Variants in FAM184A observed in about 807,000 individuals in gnomAD.
FAM184A encodes the protein family with sequence similarity 184 member A.
A neutral mutation model predicts 143.8 loss-of-function variants in FAM184A; 99 were observed. The observed-to-expected ratio is 0.69, with a 90% CI of 0.58 to 0.81. The LOEUF (loss-of-function observed/expected upper bound fraction) is 0.81. Among genes scored for constraint, FAM184A ranks in the 40% least tolerant of loss-of-function variants. FAM184A has a pLI of 0.00. For synonymous variants in FAM184A, 427 were observed against 446.4 expected, an observed-to-expected ratio of 0.96 and a Z score of 0.55; for missense variants, 1,217 against 1,310.5, an observed-to-expected ratio of 0.93 and a Z score of 1.10.
intron 9 of FAM184A, among the ~76,000 whole-genome samples, chr6:119,001,746 T>C (rs1784762911): frequency 6.6e-6 from 1 of 152,140 alleles, no homozygotes; most frequent in African/African-American, 2.4e-5. Context: ...AAAAAATATA[T>C]CTCTATTAAA....
At chr6:119,121,060 T>C (rs542244350) in intron 1 of FAM184A, among the ~76,000 whole-genome samples, 1 of 151,982 alleles carries the variant, frequency 6.6e-6, no homozygotes, top group South Asian at 2.1e-4. Flanking sequence ...TCCTCCCACA[T>C]TGGCCACTCA....
chr6:119,017,236 C>T (rs569987338), intron 4 of FAM184A, among the ~76,000 whole-genome samples: 6 of 152,322 alleles, frequency 3.9e-5, no homozygotes, highest in South Asian at 2.1e-4. Flanking sequence ...CAGTGGCTCA[C>T]GCCTGTAATC....
chr6:118,974,397 C>T (rs1783784522), intron 14 of FAM184A, 31 bp downstream of exon 14: 2 of 1,575,900 alleles, frequency 1.3e-6, no homozygotes, highest in Non-Finnish European at 1.7e-6. Flanking sequence ...TTATTATCCA[C>T]ATATGAATTT....
At position 119,058,172 on chromosome 6, in the gene FAM184A, TCTC is replaced by T. The variant is rs201233474; in HGVS notation, c.159+19966_159+19968del. On this transcript the variant is annotated intron_variant, in intron 1 of 17. Coordinates refer to ENST00000338891, the MANE Select transcript of FAM184A (RefSeq NM_024581.6). ...AAGAAGTAGAGTCCAATTCTCCTTC[TCTC>T]TTTTTTTTTTTTTTTTTTTTTTTTT... is the stretch of plus-strand genomic sequence containing the variant. Among the ~76,000 whole-genome samples, 256 of 135,604 alleles carry T rather than the reference TCTC, an allele frequency of 1.9e-3. 4 individuals are homozygous for T. Among genetic ancestry groups the T allele is most frequent in the African/African-American group, 7.0e-3 (233 of 33,232 alleles). 89.0% of individuals were successfully genotyped at this position (135,604 alleles called of 152,430 possible). A position where few individuals can be genotyped will look rare whatever the true frequency, so the allele number is the denominator to read the frequency against.
In FAM184A at chr6:119,078,048, T is replaced by A. The variant is rs528006417; in HGVS notation, c.159+93A>T. On this transcript the variant is annotated intron_variant, in intron 1 of 17. Transcript: ENST00000338891. This position sits in a 1 kb window ranked among gnomAD's most constrained non-coding sequence, Gnocchi z 5.5. ...GGCGGAGGAGTAGAGTTCCCCTCGC[T>A]GCGGGCGCAGGGCGCACTGCCTCCC... 1.4e-4 allele frequency: 202 copies of A among 1,419,304 alleles called. No homozygotes were observed. The highest frequency in any genetic ancestry group is 6.7e-4 in the Admixed American group (30 of 44,996). 87.9% of individuals were successfully genotyped at this position (1,419,304 alleles called of 1,614,324 possible). A position where few individuals can be genotyped will look rare whatever the true frequency, so the allele number is the denominator to read the frequency against.
At chr6:118,970,008 ATTT>A (rs11272298) in intron 14 of FAM184A, among the ~76,000 whole-genome samples, 2 of 19,046 alleles carry the variant, frequency 1.1e-4, no homozygotes, top group Non-Finnish European at 1.1e-4. Context: ...ATATATATAT[ATTT>A]TTTTTTTTTT....
chr6:119,013,262 T>C (rs113026378), intron 5 of FAM184A, among the ~76,000 whole-genome samples: 1 of 152,160 alleles, frequency 6.6e-6, no homozygotes, highest in Non-Finnish European at 1.5e-5. Context: ...AAAATTAAAA[T>C]TTAATCAGGT....
intron 1 of FAM184A, among the ~76,000 whole-genome samples, chr6:119,061,206 G>A (rs1787222666): frequency 6.6e-6 from 1 of 152,184 alleles, no homozygotes; most frequent in Admixed American, 6.5e-5. Context: ...AGGAGGAATA[G>A]TTTACAAGTT....
intron 9 of FAM184A, among the ~76,000 whole-genome samples, chr6:118,981,549 G>C (rs1562460050): frequency 6.6e-6 from 1 of 152,130 alleles, no homozygotes; most frequent in Non-Finnish European, 1.5e-5. Flanking sequence ...CACAAAGAAA[G>C]GTACCTGGGA....
At chr6:118,973,592 T>A (rs1272184771) in intron 14 of FAM184A, among the ~76,000 whole-genome samples, 1 of 152,120 alleles carries the variant, frequency 6.6e-6, no homozygotes, top group Non-Finnish European at 1.5e-5. Flanking sequence ...ATATATATAT[T>A]TGATTGGAAG....
chr6:119,141,223 C>T (rs1359137695), intron 1 of FAM184A, among the ~76,000 whole-genome samples: 2 of 152,234 alleles, frequency 1.3e-5, no homozygotes, highest in Non-Finnish European at 2.9e-5. Flanking sequence ...TAGGGTTTAG[C>T]AACCTGCCTA....
chr6:118,975,449 T>A (rs1386238224), intron 12 of FAM184A, among the ~76,000 whole-genome samples: 1 of 152,202 alleles, frequency 6.6e-6, no homozygotes, highest in Non-Finnish European at 1.5e-5. Context: ...TCAAAGGACA[T>A]CTCTCTCATT....
intron 1 of FAM184A, among the ~76,000 whole-genome samples, chr6:119,027,563 CA>C (rs1785681422): frequency 6.6e-6 from 1 of 152,162 alleles, no homozygotes; most frequent in Non-Finnish European, 1.5e-5. Context: ...AGGAAAACCC[CA>C]AAGTTCCTTT....
intron 1 of FAM184A, among the ~76,000 whole-genome samples, chr6:119,148,178 G>GC (rs1217606807): frequency 6.6e-6 from 1 of 152,132 alleles, no homozygotes; most frequent in Admixed American, 6.5e-5. Context: ...GAAGATCGTG[G>GC]CCAGGAGAGT....
intron 9 of FAM184A, among the ~76,000 whole-genome samples, chr6:118,998,658 GAA>G (rs1391302120): frequency 6.6e-6 from 1 of 151,846 alleles, no homozygotes; most frequent in Admixed American, 6.6e-5. Flanking sequence ...CAGATCTCTA[GAA>G]AGTGGGTTCC....
intron 6 of FAM184A, among the ~76,000 whole-genome samples, chr6:119,007,481 T>A (rs1299801362): frequency 3.3e-5 from 5 of 152,082 alleles, no homozygotes; most frequent in Non-Finnish European, 4.4e-5. Flanking sequence ...GCAATACTGG[T>A]GGTGGTAGTA....
At chr6:119,051,125 T>G (rs193203852) in intron 1 of FAM184A, among the ~76,000 whole-genome samples, 54 of 149,680 alleles carry the variant, frequency 3.6e-4, no homozygotes, top group Non-Finnish European at 6.8e-4. Flanking sequence ...AACTCACACA[T>G]GTACACCTGA....
chr6:119,142,715 G>A (rs1014057710), intron 1 of FAM184A, among the ~76,000 whole-genome samples: 1 of 152,186 alleles, frequency 6.6e-6, no homozygotes, highest in Non-Finnish European at 1.5e-5. Flanking sequence ...TGGAGGAGGA[G>A]TGTTGTGGTT....
chr6:119,143,607 G>T (rs1484363314), intron 1 of FAM184A, among the ~76,000 whole-genome samples: 1 of 152,190 alleles, frequency 6.6e-6, no homozygotes, highest in Non-Finnish European at 1.5e-5. Context: ...GCCTCTACAT[G>T]AATAGAATAT....
Sources: gnomAD v4.1 joint callset for allele counts (sites outside exome capture counted in the v4.1 genomes callset) on GRCh38, gnomAD v4.1.1 for gene constraint, Gnocchi (gnomAD v3.1) non-coding constraint, MANE v1.5 for transcripts, NCBI Gene and HGNC (gene_info 2026-07-23, HGNC 2026-07-21) for gene names.